PUM2: variants seen among roughly 807,000 people sequenced by gnomAD.
PUM2 encodes pumilio RNA binding family member 2.
PUM2 carries 57 observed loss-of-function variants against 124.5 expected under a neutral mutation model. The ratio of observed to expected loss-of-function variants is 0.46; its 90% CI spans 0.37 to 0.57. The LOEUF (loss-of-function observed/expected upper bound fraction) is 0.57. Ranked by LOEUF, PUM2 falls within the 20% of genes least tolerant of loss-of-function variation. The probability of loss-of-function intolerance (pLI) is 0.00; values close to 1 mark genes in which losing one functional copy is unlikely to be tolerated. For missense variants in PUM2, 1,065 were observed against 1,290.6 expected (o/e 0.83, Z 2.68); for synonymous variants, 460 against 446.1 (o/e 1.03, Z -0.39).
intron 13 of PUM2, among the ~76,000 whole-genome samples, chr2:20,273,748 T>C (rs1669560737): frequency 6.6e-6 from 1 of 152,216 alleles, no homozygotes; most frequent in African/African-American, 2.4e-5. Context: ...TGTGCTGCTC[T>C]ATACACAGTC....
At chr2:20,316,692 C>G (rs954302705) in intron 3 of PUM2, among the ~76,000 whole-genome samples, 2 of 151,926 alleles carry the variant, frequency 1.3e-5, no homozygotes, top group African/African-American at 4.8e-5. Flanking sequence ...CGAGACCAGC[C>G]TGGGTAACAT....
intron 7 of PUM2, among the ~76,000 whole-genome samples, chr2:20,307,403 A>C (rs933098663): frequency 1.3e-5 from 2 of 152,118 alleles, no homozygotes; most frequent in Non-Finnish European, 2.9e-5. Flanking sequence ...ACACCTGATA[A>C]AATAAAATAA....
At chr2:20,351,008 G>GT (rs1689279326), upstream of PUM2, among the ~76,000 whole-genome samples, 1 of 151,980 alleles carries the variant, frequency 6.6e-6, no homozygotes, top group Admixed American at 6.5e-5. Flanking sequence ...GCTCTCACGT[G>GT]TTTGGCCGCC....
chr2:20,331,128 G>A (rs1453412675), intron 1 of PUM2, among the ~76,000 whole-genome samples: 2 of 134,698 alleles, frequency 1.5e-5, no homozygotes, highest in African/African-American at 5.2e-5. Context: ...AACTTGGGGA[G>A]AGGAAAAAAA....
At chr2:20,306,770 G>A (rs945953841) in intron 7 of PUM2, among the ~76,000 whole-genome samples, 2 of 151,862 alleles carry the variant, frequency 1.3e-5, no homozygotes, top group Admixed American at 6.6e-5. Context: ...GCTAAGCCCA[G>A]CTAATTTTTG....
At chr2:20,327,600 CCAA>C (rs1232809104) in intron 1 of PUM2, among the ~76,000 whole-genome samples, 1 of 152,102 alleles carries the variant, frequency 6.6e-6, no homozygotes, top group Non-Finnish European at 1.5e-5. Flanking sequence ...ATTCTGTGTG[CCAA>C]CAACTATGTG....
rs768136363 is a variant in PUM2, at chr2:20,253,979, C to T, written c.2906G>A (p.Arg969His). 1.3e-5 allele frequency: 21 copies of T among 1,613,730 alleles called. No homozygotes were observed. The highest frequency in any genetic ancestry group is 2.2e-5 in the South Asian group (2 of 91,010). Residue 969 changes from arginine to histidine, a missense_variant, in exon 20 of 21, where the codon CGT becomes CAT. Physicochemically the swap from Arg to His is conservative, Grantham distance 29. Coordinates refer to ENST00000361078, the MANE Select transcript of PUM2 (RefSeq NM_015317.5). ...VVEKCVTHAS[R>H]AERALLIDEV... ...GTCAATCAGTAAAGCTCTCTCAGCA[C>T]GGGAGGCATGAGTAACACACTTTTC...
At chr2:20,272,733 C>T (rs528180875) in intron 13 of PUM2, among the ~76,000 whole-genome samples, 16 of 152,244 alleles carry the variant, frequency 1.1e-4, no homozygotes, top group Admixed American at 9.2e-4. Flanking sequence ...AATCTTTAGA[C>T]CAACTAGAAG....
chr2:20,306,267 G>A (rs543289040), intron 7 of PUM2, among the ~76,000 whole-genome samples: 1 of 152,172 alleles, frequency 6.6e-6, no homozygotes, highest in African/African-American at 2.4e-5. Flanking sequence ...GCATAAAGAT[G>A]TCAAATTTCC....
At chr2:20,326,802 G>A (rs1683791876) in intron 2 of PUM2, among the ~76,000 whole-genome samples, 1 of 152,192 alleles carries the variant, frequency 6.6e-6, no homozygotes, top group South Asian at 2.1e-4. Context: ...ATAAAAGTCT[G>A]TATGAAGAAC....
intron 1 of PUM2, among the ~76,000 whole-genome samples, chr2:20,348,209 C>T (rs1688622675): frequency 6.6e-6 from 1 of 151,642 alleles, no homozygotes; most frequent in Non-Finnish European, 1.5e-5. Context: ...AGCAAGAAAT[C>T]TTAATATGCC....
At chr2:20,304,803 C>T (rs1031614584) in intron 7 of PUM2, among the ~76,000 whole-genome samples, 2 of 152,076 alleles carry the variant, frequency 1.3e-5, no homozygotes, top group Admixed American at 1.3e-4. Context: ...TTAGTAAGTT[C>T]CATATTGACT....
chr2:20,265,145 A>G (rs891708287), intron 13 of PUM2, among the ~76,000 whole-genome samples: 1 of 151,816 alleles, frequency 6.6e-6, no homozygotes, highest in Non-Finnish European at 1.5e-5. Context: ...CCAGCTACTC[A>G]GGAGGCTGAG....
intron 9 of PUM2, among the ~76,000 whole-genome samples, chr2:20,292,357 G>T (rs1012951678): frequency 1.3e-5 from 2 of 150,674 alleles, no homozygotes; most frequent in East Asian, 4.0e-4. Flanking sequence ...AAAATCTTAA[G>T]ACTTTAAAAT....
chr2:20,258,580 G>T (rs976305259), intron 15 of PUM2, among the ~76,000 whole-genome samples: 3 of 142,092 alleles, frequency 2.1e-5, no homozygotes, highest in Non-Finnish European at 3.1e-5. Context: ...AAATTTCCTT[G>T]TTACTAATAT....
In PUM2 at chr2:20,263,426, A is replaced by G. The variant is rs757895708; in HGVS notation, c.1992T>C (p.Ser664=). The change falls in exon 14 of 21, where the codon TCT becomes TCC. Residue 664 remains serine (S), a synonymous_variant. Coordinates refer to ENST00000361078, the MANE Select transcript of PUM2 (RefSeq NM_015317.5). ...ATTTTGCTTCTGCTCCAGGTGCTGC[A>G]GAGATATATCGACCACTACCATTTG... ...GLTNGSGRYI[S]AAPGAEAKYR... 6.2e-7 allele frequency: 1 copy of G among 1,614,028 alleles called. No individual in the cohort carries two copies. The highest frequency in any genetic ancestry group is 8.5e-7 in the Non-Finnish European group (1 of 1,179,844).
chr2:20,269,288 C>T (rs538149648), intron 13 of PUM2, among the ~76,000 whole-genome samples: 1 of 152,182 alleles, frequency 6.6e-6, no homozygotes, highest in South Asian at 2.1e-4. Context: ...GCAAGCTCCG[C>T]CTCCCAGGTT....
At chr2:20,292,921 C>T (rs1294232399) in intron 9 of PUM2, among the ~76,000 whole-genome samples, 1 of 151,836 alleles carries the variant, frequency 6.6e-6, no homozygotes, top group African/African-American at 2.4e-5. Flanking sequence ...GAGCAAAACT[C>T]CATCTCAAAA....
intron 1 of PUM2, among the ~76,000 whole-genome samples, chr2:20,342,141 A>G (rs574064020): frequency 7.2e-5 from 11 of 152,016 alleles, no homozygotes; most frequent in African/African-American, 2.2e-4. Context: ...AAAAAAAAAA[A>G]AAAGAAAGAA....
Sources: gnomAD v4.1 joint callset for allele counts (sites outside exome capture counted in the v4.1 genomes callset) on GRCh38, gnomAD v4.1.1 for gene constraint, MANE v1.5 for transcripts, NCBI Gene and HGNC (gene_info 2026-07-23, HGNC 2026-07-21) for gene names.